Variants in SLC36A2 observed in about 807,000 individuals in gnomAD.
SLC36A2 encodes the protein proton-coupled amino acid transporter 2.
Under a neutral mutation model 42.7 loss-of-function variants are expected in SLC36A2, and 39 were observed. That is an observed-to-expected ratio of 0.91 (90% CI 0.71 to 1.19). The LOEUF is 1.19. Ranked by LOEUF, SLC36A2 falls within the 50% of genes most tolerant of loss-of-function variation. SLC36A2 has a pLI of 0.00. For synonymous variants in SLC36A2, 237 were observed against 240.8 expected (o/e 0.98, Z 0.15); for missense variants, 590 against 613.7 (o/e 0.96, Z 0.41).
At chr5:151,333,838 AAAAAC>A (rs1756068876) in intron 6 of SLC36A2, among the ~76,000 whole-genome samples, 1 of 152,190 alleles carries the variant, frequency 6.6e-6, no homozygotes, top group Non-Finnish European at 1.5e-5. Flanking sequence ...ACTCCATCTC[AAAAAC>A]AAAACAAAAC....
intron 1 of SLC36A2, 89 bp downstream of exon 1, chr5:151,347,208 G>T: frequency 6.7e-7 from 1 of 1,498,520 alleles, no homozygotes; most frequent in South Asian, 1.1e-5. Flanking sequence ...ACAGTGGGTT[G>T]AGGGTCAGAC....
At chr5:151,322,329 T>A in intron 8 of SLC36A2, 114 bp from the exon 9 acceptor site, 2 of 1,217,566 alleles carry the variant, frequency 1.6e-6, no homozygotes, top group Non-Finnish European at 2.4e-6. Flanking sequence ...TTTCCCTTTC[T>A]GAAAATGACT....
In SLC36A2 at chr5:151,325,306, G is replaced by C. The variant is rs1314039598; in HGVS notation, c.990C>G (p.Ser330Arg). 6.2e-7 allele frequency: 1 copy of C among 1,613,590 alleles called. No homozygotes were observed. Among genetic ancestry groups the C allele is most frequent in the Non-Finnish European group, 8.5e-7 (1 of 1,179,778 alleles). ...GATACCAGCAGTTAGGCAGGTTAAG[G>C]CTTATGCTGGCCTTGATGTCATCTC... ...RFGDDIKASI[S>R]LNLPNCWLYQ... Residue 330 changes from serine to arginine, a missense_variant, in exon 8 of 10, where the codon AGC becomes AGG. By Grantham distance (110) the Ser-to-Arg change is moderately radical. Transcript: ENST00000335244.
At chr5:151,344,998 C>A (rs1010412662) in intron 1 of SLC36A2, among the ~76,000 whole-genome samples, 1 of 152,134 alleles carries the variant, frequency 6.6e-6, no homozygotes, top group Non-Finnish European at 1.5e-5. Context: ...GGCATCAAGG[C>A]TGGAGAGTGC....
At chr5:151,320,318 A>G (rs1383891308) in intron 9 of SLC36A2, among the ~76,000 whole-genome samples, 2 of 152,132 alleles carry the variant, frequency 1.3e-5, no homozygotes, top group African/African-American at 2.4e-5. Flanking sequence ...CAAAATTACT[A>G]GATGGTAGAA....
chr5:151,340,837 AG>A (rs1167550677), intron 4 of SLC36A2, among the ~76,000 whole-genome samples: 2 of 152,204 alleles, frequency 1.3e-5, no homozygotes, highest in East Asian at 3.8e-4. Context: ...AGGGTGGTCC[AG>A]TGTTGATGGC....
intron 7 of SLC36A2, 105 bp from the exon 8 acceptor site, chr5:151,325,557 T>G: frequency 8.4e-7 from 1 of 1,187,922 alleles, no homozygotes; most frequent in Non-Finnish European, 1.2e-6. Context: ...AAGCAGGGCC[T>G]CAAAGAGATA....
At chr5:151,331,064 A>G (rs1220908016) in intron 7 of SLC36A2, among the ~76,000 whole-genome samples, 1 of 152,220 alleles carries the variant, frequency 6.6e-6, no homozygotes, top group African/African-American at 2.4e-5. Flanking sequence ...ATTTTTGACA[A>G]GAGTGTCAAA....
rs568691295 is a variant in SLC36A2, at chr5:151,336,451, C to A, written c.526-904G>T. Among the ~76,000 whole-genome samples, 261 of 147,698 alleles carry A rather than the reference C, an allele frequency of 1.8e-3. 2 individuals carry two copies. Among genetic ancestry groups the A allele is most frequent in the African/African-American group, 6.5e-3 (250 of 38,386 alleles). ...ATGGAACTTATTTTCTGCTTAAATTCCCTCAATCTTTTTTTTTTTTTTTTT... is the reference window on the plus strand; with the variant it reads ...ATGGAACTTATTTTCTGCTTAAATTACCTCAATCTTTTTTTTTTTTTTTTT... On this transcript the variant is annotated intron_variant, in intron 5 of 9. Transcript: ENST00000335244.
chr5:151,347,476 A>G lies in SLC36A2; in HGVS notation c.-16T>C, dbSNP rs370272392. 12 of 1,613,132 alleles carry G rather than the reference A, an allele frequency of 7.4e-6. No individual in the cohort carries two copies. The African/African-American group carries it at 1.5e-4, about 20-fold the overall frequency. On this transcript the variant is annotated 5_prime_UTR_variant, in exon 1 of 10. Transcript: ENST00000335244. ...TCACAGACATGACTGCTTAAGAAACAAGGAGCTCGGGGTGACAAAGAGGTC... is the reference window on the plus strand; with the variant it reads ...TCACAGACATGACTGCTTAAGAAACGAGGAGCTCGGGGTGACAAAGAGGTC...
rs1013238142 is a variant in SLC36A2, at chr5:151,332,317, G to A, written c.843+907C>T. ...TTAAAACTCAACAAAAAGACAAACA[G>A]CCTAATTAAAAATAAGCAAAGGACT... is the stretch of plus-strand genomic sequence containing the variant. On this transcript the variant is annotated intron_variant, in intron 7 of 9. Transcript: ENST00000335244. 4.5e-5 allele frequency: 19 copies of A among 421,568 alleles called. 2 individuals carry two copies. The highest frequency in any genetic ancestry group is 3.0e-4 in the South Asian group (17 of 57,522). 26.1% of individuals were successfully genotyped at this position (421,568 alleles called of 1,614,324 possible).
chr5:151,322,345 G>A (rs1755719941), intron 8 of SLC36A2, 130 bp from the exon 9 acceptor site: 4 of 1,064,310 alleles, frequency 3.8e-6, no homozygotes, highest in South Asian at 2.7e-5. Flanking sequence ...TGACTGAGAG[G>A]GACCTTCTAA....
Position 151,316,847 on chromosome 5 carries a change from G to T in SLC36A2, c.1422C>A (p.Pro474=). The change falls in exon 10 of 10, where the codon CCC becomes CCA. Residue 474 remains proline, a synonymous_variant. Coordinates refer to ENST00000335244, the MANE Select transcript of SLC36A2 (RefSeq NM_181776.3). ...GAACAAAAGTGGTGGAGTTGGAAAA[G>T]GGGTGAGAGTCTTCTGACTTGAGCA... The part of the protein sequence containing the change: ...DELLKSEDSH[P]FSNSTTFVR 2.5e-6 allele frequency: 4 copies of T among 1,613,822 alleles called. No homozygotes were observed. The highest frequency in any genetic ancestry group is 3.4e-6 in the Non-Finnish European group (4 of 1,179,980).
rs1231962255 is a variant in SLC36A2 at position 151,316,891 on chromosome 5, A to G, written c.1378T>C (p.Tyr460His). Residue 460 changes from tyrosine (Y) to histidine (H), a missense_variant, in exon 10 of 10, where the codon TAC becomes CAC. By Grantham distance (83) the Tyr-to-His change is moderately conservative. Coordinates refer to ENST00000335244, the MANE Select transcript of SLC36A2 (RefSeq NM_181776.3). ...LGFVGFVVGT[Y>H]QALDELLKSE... is the part of the protein sequence containing the mutation. ...TTGAGCAGCTCGTCCAGGGCCTGGT[A>G]GGTCCCCACCACAAAGCCCACGAAG... 15 of 1,614,158 alleles carry G rather than the reference A, an allele frequency of 9.3e-6. No homozygotes were observed. Among genetic ancestry groups the G allele is most frequent in the African/African-American group, 1.3e-5 (1 of 75,034 alleles).
intron 8 of SLC36A2, among the ~76,000 whole-genome samples, chr5:151,324,343 T>A (rs1281373033): frequency 7.0e-6 from 1 of 143,742 alleles, no homozygotes; most frequent in African/African-American, 2.9e-5. Flanking sequence ...ATTTATTTAT[T>A]TATTTTGAGA....
intron 3 of SLC36A2, among the ~76,000 whole-genome samples, 163 bp downstream of exon 3, chr5:151,343,347 G>A (rs1359575785): frequency 6.6e-6 from 1 of 152,194 alleles, no homozygotes; most frequent in Non-Finnish European, 1.5e-5. Flanking sequence ...GAGCCATGCA[G>A]AAGAGCCTCA....
chr5:151,343,660 T>C, intron 2 of SLC36A2, 62 bp from the exon 3 acceptor site: 1 of 1,452,982 alleles, frequency 6.9e-7, no homozygotes, highest in Non-Finnish European at 9.7e-7. Context: ...TGAAGAATAC[T>C]GCAAGATGGG....
chr5:151,321,402 C>T (rs1310924239), intron 9 of SLC36A2, among the ~76,000 whole-genome samples: 2 of 146,096 alleles, frequency 1.4e-5, no homozygotes, highest in African/African-American at 2.5e-5. Context: ...AGGCTGGTCT[C>T]AAAACTCCTG....
At chr5:151,317,589 C>T (rs1755540647) in intron 9 of SLC36A2, among the ~76,000 whole-genome samples, 2 of 152,180 alleles carry the variant, frequency 1.3e-5, no homozygotes, top group African/African-American at 4.8e-5. Flanking sequence ...AAAATTCAGC[C>T]AGGCATAGTG....
Sources: gnomAD v4.1 joint callset for allele counts (sites outside exome capture counted in the v4.1 genomes callset) on GRCh38, gnomAD v4.1.1 for gene constraint, MANE v1.5 for transcripts, NCBI Gene and HGNC (gene_info 2026-07-23, HGNC 2026-07-21) for gene names.